The following DLC1 variants were observed in gnomAD, a reference collection of about 807,000 sequenced individuals.
The protein encoded by DLC1 is DLC1 Rho GTPase activating protein, also known as rho GTPase-activating protein 7.
Under a neutral mutation model 140.3 loss-of-function variants are expected in DLC1, and 54 were observed. The observed-to-expected ratio is 0.38, with a 90% CI of 0.31 to 0.48. The LOEUF (loss-of-function observed/expected upper bound fraction) is 0.48. DLC1 is among the 20% of genes least tolerant of loss of function. DLC1 has a pLI of 0.96. For synonymous variants in DLC1, 986 were observed against 728.1 expected, an observed-to-expected ratio of 1.35 and a Z score of -5.70; for missense variants, 2,536 against 1,907.0, an observed-to-expected ratio of 1.33 and a Z score of -6.14.
intron 1 of DLC1, among the ~76,000 whole-genome samples, chr8:13,599,807 C>G (rs541024624): frequency 1.3e-5 from 2 of 151,820 alleles, no homozygotes; most frequent in Admixed American, 1.3e-4. Flanking sequence ...CCTTTAGTAG[C>G]CACAGCAATT....
chr8:13,275,425 A>C (rs75859169), intron 5 of DLC1, among the ~76,000 whole-genome samples: 7,140 of 152,178 alleles, frequency 0.047, 316 homozygotes, highest in African/African-American at 0.12. Context: ...CAAAGAGGTT[A>C]AGAAAACATA....
At position 13,596,258 on chromosome 8, in the gene DLC1, A is replaced by G. The variant is rs146774939; in HGVS notation, c.-126+8279T>C. On this transcript the variant is annotated intron_variant, in intron 1 of 1. Transcript: ENST00000631382. Reference sequence around the variant, plus strand: ...ACCTTTAAAAATGGCTTTCCATTTTATTATTATATTGCCTTCTGGAAGGAA... The same window carrying G: ...ACCTTTAAAAATGGCTTTCCATTTTGTTATTATATTGCCTTCTGGAAGGAA... Among the ~76,000 whole-genome samples the G allele has an allele frequency of 9.2e-3, 1,400 of 152,110 alleles. 21 individuals carry two copies. Among genetic ancestry groups the G allele is most frequent in the African/African-American group, 0.032 (1,328 of 41,536 alleles).
chr8:13,375,066 C>T (rs1361935598), intron 4 of DLC1, among the ~76,000 whole-genome samples: 11 of 139,800 alleles, frequency 7.9e-5, no homozygotes, highest in East Asian at 2.2e-4. Flanking sequence ...CTGGCTCTGT[C>T]GCCCAGGCTG....
chr8:13,431,469 C>G (rs942698501), intron 2 of DLC1, among the ~76,000 whole-genome samples: 25 of 106,308 alleles, frequency 2.4e-4, no homozygotes, highest in Admixed American at 9.1e-4. Flanking sequence ...GGCCACAGAG[C>G]GAGACTCCGT....
chr8:13,109,647 G>A (rs559583445), intron 7 of DLC1, among the ~76,000 whole-genome samples: 282 of 152,072 alleles, frequency 1.9e-3, no homozygotes, highest in African/African-American at 6.4e-3. Flanking sequence ...GACTTTGGGA[G>A]GCCGAGGTGG....
At chr8:13,181,286 A>G (rs1403181329) in intron 5 of DLC1, among the ~76,000 whole-genome samples, 1 of 143,230 alleles carries the variant, frequency 7.0e-6, no homozygotes. Context: ...TCTTTACTCA[A>G]TTGTCACTGT....
intron 2 of DLC1, among the ~76,000 whole-genome samples, chr8:13,465,276 C>A (rs1015688313): frequency 6.6e-6 from 1 of 152,060 alleles, no homozygotes; most frequent in Non-Finnish European, 1.5e-5. Flanking sequence ...AGTGAAGTTC[C>A]TAATTTTTGG....
At chr8:13,202,517 T>G (rs1827445034) in intron 5 of DLC1, among the ~76,000 whole-genome samples, 1 of 152,172 alleles carries the variant, frequency 6.6e-6, no homozygotes, top group African/African-American at 2.4e-5. Context: ...TTCTACCATC[T>G]CTGCAGAATT....
intron 5 of DLC1, among the ~76,000 whole-genome samples, chr8:13,212,531 T>G (rs1827997725): frequency 1.3e-5 from 2 of 152,146 alleles, no homozygotes; most frequent in Non-Finnish European, 2.9e-5. Flanking sequence ...TTTATACGGT[T>G]TTGGTATTGC....
chr8:13,188,825 A>ATG (rs1291577809), intron 5 of DLC1, among the ~76,000 whole-genome samples: 3 of 37,142 alleles, frequency 8.1e-5, no homozygotes, highest in Non-Finnish European at 1.5e-4. Flanking sequence ...ATATATATAT[A>ATG]TGTATATATA....
chr8:13,160,972 T>C (rs1051463660), intron 5 of DLC1, among the ~76,000 whole-genome samples: 1 of 152,076 alleles, frequency 6.6e-6, no homozygotes, highest in African/African-American at 2.4e-5. Flanking sequence ...TCCCAGCTAC[T>C]TGGGAGGCGG....
intron 1 of DLC1, among the ~76,000 whole-genome samples, chr8:13,528,733 G>A (rs942575654): frequency 1.3e-5 from 2 of 152,116 alleles, no homozygotes; most frequent in Admixed American, 6.6e-5. Flanking sequence ...TTTGGGTCTT[G>A]AGTAGAAGGT....
chr8:13,266,301 C>T (rs1294758151), intron 5 of DLC1, among the ~76,000 whole-genome samples: 2 of 152,324 alleles, frequency 1.3e-5, no homozygotes, highest in Admixed American at 1.3e-4. Context: ...TTATCATCCA[C>T]ATTCTCTTAC....
chr8:13,164,482 A>G (rs1824956977), intron 5 of DLC1, among the ~76,000 whole-genome samples: 1 of 152,156 alleles, frequency 6.6e-6, no homozygotes, highest in South Asian at 2.1e-4. Flanking sequence ...TAGTTGGGTC[A>G]TATGCCTGAT....
At chr8:13,551,386 T>A (rs1356311541) in intron 1 of DLC1, among the ~76,000 whole-genome samples, 1 of 152,058 alleles carries the variant, frequency 6.6e-6, no homozygotes, top group Non-Finnish European at 1.5e-5. Flanking sequence ...AGATTTTGAA[T>A]TTTTATTATG....
intron 4 of DLC1, among the ~76,000 whole-genome samples, chr8:13,342,940 C>T (rs776746528): frequency 3.9e-5 from 6 of 151,988 alleles, no homozygotes; most frequent in Non-Finnish European, 7.4e-5. Flanking sequence ...GAATTAGCTG[C>T]AGTTGTTTGA....
At chr8:13,142,893 T>C (rs747304712) in intron 5 of DLC1, among the ~76,000 whole-genome samples, 3 of 152,166 alleles carry the variant, frequency 2.0e-5, no homozygotes, top group Middle Eastern at 3.4e-3. Flanking sequence ...GTACTAAAAA[T>C]ACAAAATTAG....
At chr8:13,150,262 G>C (rs1184853339) in intron 5 of DLC1, among the ~76,000 whole-genome samples, 1 of 152,162 alleles carries the variant, frequency 6.6e-6, no homozygotes, top group Non-Finnish European at 1.5e-5. Context: ...AGTTTAATGA[G>C]TGTTTTCTTT....
chr8:13,271,278 T>C (rs1830920775), intron 5 of DLC1, among the ~76,000 whole-genome samples: 2 of 152,214 alleles, frequency 1.3e-5, no homozygotes, highest in South Asian at 4.1e-4. Flanking sequence ...ACATCACTCA[T>C]GGTTAAAAGG....
Sources: allele counts gnomAD v4.1 joint callset (sites outside exome capture counted in the v4.1 genomes callset), GRCh38; gene constraint gnomAD v4.1.1; transcripts MANE v1.5; gene names NCBI Gene and HGNC (gene_info 2026-07-23, HGNC 2026-07-21).